The following NUAK1 variants were observed in gnomAD, a reference collection of about 807,000 sequenced individuals.
NUAK1 encodes NUAK family kinase 1.
Under a neutral mutation model 56.9 loss-of-function variants are expected in NUAK1, and 26 were observed. The ratio of observed to expected loss-of-function variants is 0.46; its 90% CI spans 0.33 to 0.63. The LOEUF (loss-of-function observed/expected upper bound fraction) is 0.63. Ranked by LOEUF, NUAK1 falls within the 30% of genes least tolerant of loss-of-function variation. The pLI is 0.02. For missense variants in NUAK1, 727 were observed against 876.1 expected (o/e 0.83, Z 2.15); for synonymous variants, 337 against 336.0 (o/e 1.00, Z -0.03).
intron 5 of NUAK1, among the ~76,000 whole-genome samples, chr12:106,071,735 A>C (rs2032408534): frequency 6.6e-6 from 1 of 152,196 alleles, no homozygotes; most frequent in Non-Finnish European, 1.5e-5. Context: ...TATCTATGAG[A>C]AATTTCGTGT....
chr12:106,083,736 C>T (rs1197811880), intron 4 of NUAK1, 128 bp downstream of exon 4: 7 of 753,860 alleles, frequency 9.3e-6, no homozygotes, highest in Non-Finnish European at 1.6e-5. Context: ...CAAAGAGACT[C>T]TTCCCCACCA....
chr12:106,092,482 C>T (rs1355834320), intron 2 of NUAK1, among the ~76,000 whole-genome samples: 3 of 151,370 alleles, frequency 2.0e-5, no homozygotes, highest in African/African-American at 4.9e-5. Flanking sequence ...GGTGACAGAG[C>T]GAGACTCTGT....
intron 1 of NUAK1, among the ~76,000 whole-genome samples, chr12:106,117,164 G>C (rs770103386): frequency 2.6e-5 from 4 of 152,138 alleles, no homozygotes; most frequent in East Asian, 1.9e-4. Flanking sequence ...TTTTGAAAGA[G>C]ACCAAGATAC....
At chr12:106,101,135 C>A (rs1304602917) in intron 2 of NUAK1, among the ~76,000 whole-genome samples, 1 of 152,232 alleles carries the variant, frequency 6.6e-6, no homozygotes, top group Non-Finnish European at 1.5e-5. Flanking sequence ...TGCTGCCACA[C>A]TCCTTGCCCC....
chr12:106,078,588 G>A (rs2032485752), intron 4 of NUAK1, among the ~76,000 whole-genome samples: 2 of 152,180 alleles, frequency 1.3e-5, no homozygotes, highest in Non-Finnish European at 1.5e-5. Flanking sequence ...TGATCGCTGT[G>A]GCTTCACTCA....
intron 3 of NUAK1, among the ~76,000 whole-genome samples, chr12:106,085,621 T>C (rs1270513144): frequency 6.6e-6 from 1 of 152,190 alleles, no homozygotes; most frequent in Non-Finnish European, 1.5e-5. Context: ...ATAACAATAA[T>C]GGCTGAGACA....
In NUAK1 at chr12:106,138,362, C is replaced by T; in HGVS notation, c.240+52G>A. ...CCCCCGCCTCGCACGCCCTCAGTCC[C>T]CGGCCGCGTCCACCCAGCGCCCCCC... is the stretch of plus-strand genomic sequence containing the variant. On this transcript the variant is annotated intron_variant, in intron 1 of 6. Coordinates refer to ENST00000261402, the MANE Select transcript of NUAK1 (RefSeq NM_014840.3). This position sits in a 1 kb window ranked among gnomAD's most constrained non-coding sequence, Gnocchi z 5.0. 1.3e-6 allele frequency: 2 copies of T among 1,550,516 alleles called. No individual in the cohort carries two copies. The highest frequency in any genetic ancestry group is 1.2e-5 in the South Asian group (1 of 81,350).
intron 1 of NUAK1, among the ~76,000 whole-genome samples, chr12:106,131,358 C>A (rs537046322): frequency 5.9e-5 from 9 of 152,296 alleles, no homozygotes; most frequent in African/African-American, 2.2e-4. Flanking sequence ...TTACTCCCAA[C>A]CCCACCCGCA....
intron 1 of NUAK1, among the ~76,000 whole-genome samples, chr12:106,108,505 A>C (rs7316186): frequency 0.18 from 27,263 of 151,994 alleles, 2,715 homozygotes; most frequent in Admixed American, 0.23. Flanking sequence ...ACTTCCCTTC[A>C]CTTACGTCAA....
At chr12:106,070,393 G>A (rs1004292526) in intron 6 of NUAK1, among the ~76,000 whole-genome samples, 3 of 152,234 alleles carry the variant, frequency 2.0e-5, no homozygotes, top group Admixed American at 6.5e-5. Flanking sequence ...AGACAGAGCA[G>A]TGGCCACCCT....
intron 1 of NUAK1, among the ~76,000 whole-genome samples, chr12:106,130,267 C>A (rs2033064124): frequency 2.6e-5 from 4 of 152,340 alleles, no homozygotes; most frequent in Middle Eastern, 3.4e-3. Context: ...CAGGCGTGAA[C>A]CACCGTGCCC....
At chr12:106,111,738 T>C (rs951175976) in intron 1 of NUAK1, among the ~76,000 whole-genome samples, 33 of 152,090 alleles carry the variant, frequency 2.2e-4, no homozygotes, top group Admixed American at 1.5e-3. Context: ...TCAACATTTT[T>C]AAATCAGTGG....
At chr12:106,078,838 C>G (rs1410417391) in intron 4 of NUAK1, among the ~76,000 whole-genome samples, 2 of 152,226 alleles carry the variant, frequency 1.3e-5, no homozygotes, top group Non-Finnish European at 2.9e-5. Flanking sequence ...GCCCTGGCAT[C>G]CCCGCATGGC....
At chr12:106,113,842 A>C (rs2032890455) in intron 1 of NUAK1, among the ~76,000 whole-genome samples, 1 of 151,944 alleles carries the variant, frequency 6.6e-6, no homozygotes, top group Non-Finnish European at 1.5e-5. Flanking sequence ...GGGCCTGTGG[A>C]TGAAGTGATG....
At chr12:106,098,184 G>C (rs1038480126) in intron 2 of NUAK1, among the ~76,000 whole-genome samples, 6 of 152,172 alleles carry the variant, frequency 3.9e-5, no homozygotes, top group Admixed American at 3.9e-4. Flanking sequence ...AAATCTCAGG[G>C]AGCACAGGTA....
In NUAK1 at chr12:106,066,832, T is replaced by A. The variant is rs1242563447; in HGVS notation, c.1956A>T (p.Gln652His). ...DMDDVTQVYK[Q>H]ALEICSKLN ...TGAGCTTGCTGCAGATCTCCAGCGC[T>A]TGCTTGTAGACCTGAGTCACATCAT... is the stretch of plus-strand genomic sequence containing the variant. The change falls in exon 7 of 7, where the codon CAA (glutamine) becomes CAT (histidine). Residue 652 changes from glutamine to histidine, a missense_variant. Physicochemically the swap from Gln to His is conservative, Grantham distance 24. Coordinates refer to ENST00000261402, the MANE Select transcript of NUAK1 (RefSeq NM_014840.3). The A allele has an allele frequency of 6.2e-7, 1 of 1,612,950 alleles. No individual in the cohort carries two copies.
intron 2 of NUAK1, among the ~76,000 whole-genome samples, chr12:106,087,999 C>T (rs1224347833): frequency 6.6e-6 from 1 of 152,250 alleles, no homozygotes; most frequent in Non-Finnish European, 1.5e-5. Context: ...ACCAAGGAAA[C>T]AGTCTTCCCA....
intron 1 of NUAK1, among the ~76,000 whole-genome samples, chr12:106,116,148 T>G (rs771636620): frequency 1.3e-5 from 2 of 152,208 alleles, no homozygotes; most frequent in African/African-American, 2.4e-5. Context: ...GTGCCTAATG[T>G]ACAGTATATA....
intron 6 of NUAK1, among the ~76,000 whole-genome samples, chr12:106,068,760 A>T (rs2032371323): frequency 1.3e-5 from 2 of 152,216 alleles, no homozygotes. Context: ...TTATAAACTG[A>T]CTTTTAGGTT....
Sources: allele counts gnomAD v4.1 joint callset (sites outside exome capture counted in the v4.1 genomes callset), GRCh38; gene constraint gnomAD v4.1.1; non-coding constraint Gnocchi (gnomAD v3.1); transcripts MANE v1.5; gene names NCBI Gene and HGNC (gene_info 2026-07-23, HGNC 2026-07-21).